Variants in RBFOX3 observed in about 807,000 individuals in gnomAD.
RBFOX3 encodes RNA binding fox-1 homolog 3.
RBFOX3 carries 17 observed loss-of-function variants against 48.7 expected under a neutral mutation model. That is an observed-to-expected ratio of 0.35 (90% CI 0.24 to 0.52). RBFOX3 has a LOEUF of 0.52. Ranked by LOEUF, RBFOX3 falls within the 20% of genes least tolerant of loss-of-function variation. RBFOX3 has a pLI of 0.94. For missense variants in RBFOX3, 382 were observed against 497.5 expected, an observed-to-expected ratio of 0.77 and a Z score of 2.21; for synonymous variants, 212 against 209.5, an observed-to-expected ratio of 1.01 and a Z score of -0.10.
At position 79,115,571 on chromosome 17, in the gene RBFOX3, T is replaced by C. The variant is rs957607666; in HGVS notation, c.145A>G (p.Thr49Ala). Residue 49 changes from threonine to alanine, a missense_variant, in exon 5 of 15, where the codon ACA becomes GCA. Physicochemically the swap from Thr to Ala is moderately conservative, Grantham distance 58. Transcript: ENST00000693108. ...TGCTCGGGGTGGGTCTGTGCTGGTG[T>C]GTACAGGGTCATGCCATGCTCTGTG... ...VPTEHGMTLY[T>A]PAQTHPEQPG... 4 of 1,371,776 alleles carry C rather than the reference T, an allele frequency of 2.9e-6. No homozygotes were observed. Among genetic ancestry groups the C allele is most frequent in the Non-Finnish European group, 3.8e-6 (4 of 1,060,256 alleles). 85.0% of individuals were successfully genotyped at this position (1,371,776 alleles called of 1,614,324 possible).
At chr17:79,474,004 T>C (rs2077372633) in intron 2 of RBFOX3, among the ~76,000 whole-genome samples, 1 of 152,140 alleles carries the variant, frequency 6.6e-6, no homozygotes, top group African/African-American at 2.4e-5. Context: ...TGTATATCCT[T>C]GCAAATCGGG....
chr17:79,567,769 G>A (rs1163171140), intron 1 of RBFOX3, among the ~76,000 whole-genome samples: 2 of 152,226 alleles, frequency 1.3e-5, no homozygotes, highest in African/African-American at 4.8e-5. Flanking sequence ...AGGGAAGAGC[G>A]ATCTTTAACA....
rs955044007 is a variant in RBFOX3, at chr17:79,212,897, C to A, written c.-34+22869G>T. On this transcript the variant is annotated intron_variant, in intron 4 of 14. Coordinates refer to ENST00000693108, the MANE Select transcript of RBFOX3 (RefSeq NM_001350451.2). The surrounding 1 kb of genome is among the most constrained non-coding windows in gnomAD (Gnocchi z 4.7). ...TGAGTTGGAGTCTGGCTCTGTTGCCCAGGCTGGAGTGCAGTGGCGCAATCT... is the reference window on the plus strand; with the variant it reads ...TGAGTTGGAGTCTGGCTCTGTTGCCAAGGCTGGAGTGCAGTGGCGCAATCT... 5.3e-5 allele frequency among the ~76,000 whole-genome samples: 8 copies of A among 152,154 alleles called. No homozygotes were observed. The highest frequency in any genetic ancestry group is 1.9e-4 in the African/African-American group (8 of 41,430).
At chr17:79,624,363 AG>A in the RBFOX3 span, among the ~76,000 whole-genome samples, 1 of 151,654 alleles carries the variant, frequency 6.6e-6, no homozygotes, top group South Asian at 2.1e-4. Flanking sequence ...TGGGGAAGGG[AG>A]GGAGGCTGGG....
chr17:79,122,521 G>C (rs1218193324), intron 4 of RBFOX3, among the ~76,000 whole-genome samples: 1 of 152,210 alleles, frequency 6.6e-6, no homozygotes, highest in East Asian at 1.9e-4. Flanking sequence ...TCTCACCCCA[G>C]TTAAAATGGC....
chr17:79,400,442 G>A (rs1325505877), intron 2 of RBFOX3, among the ~76,000 whole-genome samples: 2 of 152,202 alleles, frequency 1.3e-5, no homozygotes, highest in Non-Finnish European at 2.9e-5. Context: ...GGTCATGGTG[G>A]GTTAGGGCTC....
chr17:79,256,674 T>C (rs57963518), intron 3 of RBFOX3, among the ~76,000 whole-genome samples: 12,190 of 152,068 alleles, frequency 0.08, 506 homozygotes, highest in South Asian at 0.11. Context: ...TCCCAGCACT[T>C]TGGGAGGCCG....
At chr17:79,534,458 C>T (rs1308778635) in intron 1 of RBFOX3, among the ~76,000 whole-genome samples, 12 of 152,218 alleles carry the variant, frequency 7.9e-5, no homozygotes, top group Non-Finnish European at 2.9e-5. Flanking sequence ...GGACTCACAT[C>T]AGCTGTGCCA....
intron 4 of RBFOX3, among the ~76,000 whole-genome samples, chr17:79,226,349 C>T (rs1321465417): frequency 6.6e-6 from 1 of 152,238 alleles, no homozygotes; most frequent in African/African-American, 2.4e-5. Flanking sequence ...GTCACCCCAA[C>T]AGCACATTCC....
chr17:79,336,031 T>C (rs1410805661), intron 2 of RBFOX3, among the ~76,000 whole-genome samples: 1 of 152,184 alleles, frequency 6.6e-6, no homozygotes, highest in Non-Finnish European at 1.5e-5. Flanking sequence ...CTGTTTGCCA[T>C]GGACTCCAGA....
the RBFOX3 span, among the ~76,000 whole-genome samples, chr17:79,631,944 AC>A: frequency 1.6e-4 from 24 of 152,168 alleles, no homozygotes; most frequent in Non-Finnish European, 3.1e-4. Flanking sequence ...CAGAGAATGA[AC>A]AGCTCACGGA....
At chr17:79,526,223 ACT>A (rs1330353168) in intron 1 of RBFOX3, among the ~76,000 whole-genome samples, 1 of 151,800 alleles carries the variant, frequency 6.6e-6, no homozygotes, top group Non-Finnish European at 1.5e-5. Flanking sequence ...GGGGAGTGTG[ACT>A]CTCAGGTGGT....
At chr17:79,595,204 A>G (rs2093536299) in intron 1 of RBFOX3, among the ~76,000 whole-genome samples, 1 of 151,072 alleles carries the variant, frequency 6.6e-6, no homozygotes, top group African/African-American at 2.4e-5. Flanking sequence ...TAATGGGGCC[A>G]CCAAGGTGCA....
chr17:79,460,582 T>C (rs534022535), intron 2 of RBFOX3, among the ~76,000 whole-genome samples: 3 of 152,334 alleles, frequency 2.0e-5, no homozygotes, highest in Admixed American at 2.0e-4. Flanking sequence ...ATATGTCTCC[T>C]GAAGTTCACG....
chr17:79,097,663 T>TGCCAAACCCCCCCCCC, intron 10 of RBFOX3, 29 bp downstream of exon 10: 2 of 1,384,074 alleles, frequency 1.4e-6, no homozygotes, highest in Non-Finnish European at 2.0e-6. Context: ...GCTGGTCTCA[T>TGCCAAACCCCCCCCCC]CCCATCCCCG....
At chr17:79,232,194 A>G (rs1289740543) in intron 4 of RBFOX3, among the ~76,000 whole-genome samples, 1 of 152,228 alleles carries the variant, frequency 6.6e-6, no homozygotes, top group Non-Finnish European at 1.5e-5. Context: ...TGGGCATATC[A>G]ATCCCTCAAA....
chr17:79,217,185 GC>G (rs2059166323), intron 4 of RBFOX3, among the ~76,000 whole-genome samples: 2 of 152,244 alleles, frequency 1.3e-5, no homozygotes. Flanking sequence ...CCTTGGCTCT[GC>G]TGGCAACTGT....
intron 4 of RBFOX3, among the ~76,000 whole-genome samples, chr17:79,216,093 G>A (rs1169565978): frequency 6.6e-6 from 1 of 152,236 alleles, no homozygotes; most frequent in African/African-American, 2.4e-5. Flanking sequence ...GTAACTGTCT[G>A]GGCTTTGGAG....
intron 2 of RBFOX3, among the ~76,000 whole-genome samples, chr17:79,409,047 C>G (rs1243073147): frequency 6.6e-6 from 1 of 152,194 alleles, no homozygotes; most frequent in Admixed American, 6.5e-5. Flanking sequence ...CTTTCTGACT[C>G]TATGGATTTA....
Sources: gnomAD v4.1 joint callset for allele counts (sites outside exome capture counted in the v4.1 genomes callset) on GRCh38, gnomAD v4.1.1 for gene constraint, Gnocchi (gnomAD v3.1) non-coding constraint, MANE v1.5 for transcripts, NCBI Gene and HGNC (gene_info 2026-07-23, HGNC 2026-07-21) for gene names.